Variants in PTPN3 observed in about 807,000 individuals in gnomAD.
PTPN3 encodes tyrosine-protein phosphatase non-receptor type 3.
PTPN3 carries 96 observed loss-of-function variants against 132.7 expected under a neutral mutation model. The ratio of observed to expected loss-of-function variants is 0.72; its 90% CI spans 0.61 to 0.86. PTPN3 has a LOEUF of 0.86. Among genes scored for constraint, PTPN3 ranks in the 40% least tolerant of loss-of-function variants. PTPN3 has a pLI of 0.00. For synonymous variants in PTPN3, 398 were observed against 429.0 expected, an observed-to-expected ratio of 0.93 and a Z score of 0.89; for missense variants, 1,125 against 1,159.6, an observed-to-expected ratio of 0.97 and a Z score of 0.43.
At chr9:109,426,449 A>G (rs1843290127) in intron 12 of PTPN3, among the ~76,000 whole-genome samples, 1 of 152,206 alleles carries the variant, frequency 6.6e-6, no homozygotes, top group African/African-American at 2.4e-5. Flanking sequence ...CACAAAGTAA[A>G]TGCTCAGTAA....
At position 109,382,321 on chromosome 9, in the gene PTPN3, G is replaced by T. The variant is rs761559374; in HGVS notation, c.2509C>A (p.Pro837Thr). 3.2e-5 allele frequency: 51 copies of T among 1,613,808 alleles called. No individual in the cohort carries two copies. The highest frequency in any genetic ancestry group is 1.8e-4 in the Admixed American group (11 of 59,986). ...YVRSLRVDSE[P>T]VLVHCSAGIG... ...CCATACCTGCAGTGAACTAGGACGG[G>T]CTCGCTGTCCACTCTCAGAGACCTC... The change falls in exon 24 of 26, where the codon CCC becomes ACC. Residue 837 changes from proline to threonine, a missense_variant. Coordinates refer to ENST00000374541, the MANE Select transcript of PTPN3 (RefSeq NM_002829.4).
intron 19 of PTPN3, among the ~76,000 whole-genome samples, chr9:109,396,915 C>A (rs138799748): frequency 3.3e-5 from 5 of 152,322 alleles, no homozygotes; most frequent in African/African-American, 7.2e-5. Flanking sequence ...ACTCACATCC[C>A]TCAGGTGAGA....
At position 109,438,101 on chromosome 9, in the gene PTPN3, C is replaced by T. The variant is rs1165652745; in HGVS notation, c.587+13G>A. The T allele has an allele frequency of 1.9e-6, 3 of 1,610,178 alleles. No homozygotes were observed. The Admixed American group carries it at 5.1e-5, about 27-fold the overall frequency. ...CCCAAGTCCCCAAAGTAGGCCACCCCAGCCCCCCTCACCTGTGCTGCTCAT... is the reference window on the plus strand; with the variant it reads ...CCCAAGTCCCCAAAGTAGGCCACCCTAGCCCCCCTCACCTGTGCTGCTCAT... On this transcript the variant is annotated intron_variant, in intron 8 of 25. Coordinates refer to ENST00000374541, the MANE Select transcript of PTPN3 (RefSeq NM_002829.4).
At chr9:109,456,123 T>C (rs7041037) in intron 4 of PTPN3, among the ~76,000 whole-genome samples, 57,583 of 152,070 alleles carry the variant, frequency 0.38, 11,480 homozygotes, top group African/African-American at 0.49. Flanking sequence ...TGTGTCTACT[T>C]CTTCCTGCCT....
At position 109,380,124 on chromosome 9, in the gene PTPN3, T is replaced by G. The variant is rs372144820; in HGVS notation, c.2665-491A>C. The stretch of plus-strand genomic sequence containing the variant: ...TGAAAGATGCTCTGCAGGATACAGT[T>G]ATTTATCTTAGCAAATACCTAAGAA... On this transcript the variant is annotated intron_variant, in intron 25 of 25. Coordinates refer to ENST00000374541, the MANE Select transcript of PTPN3 (RefSeq NM_002829.4). Among the ~76,000 whole-genome samples the G allele has an allele frequency of 3.3e-5, 5 of 152,352 alleles. No homozygotes were observed. In the South Asian group the frequency reaches 6.2e-4, roughly 19 times the overall value.
At chr9:109,478,929 C>T (rs943661899) in intron 1 of PTPN3, among the ~76,000 whole-genome samples, 9 of 152,104 alleles carry the variant, frequency 5.9e-5, no homozygotes, top group Non-Finnish European at 7.3e-5. Flanking sequence ...CTGCCAAAGA[C>T]GTGCTCCTCC....
intron 12 of PTPN3, among the ~76,000 whole-genome samples, chr9:109,426,013 C>CA (rs71372567): frequency 0.023 from 1,154 of 50,330 alleles, 12 homozygotes; most frequent in African/African-American, 0.06. Context: ...GACTCCATCT[C>CA]AAAAAAAAAA....
At chr9:109,460,971 A>T (rs146233352) in intron 2 of PTPN3, among the ~76,000 whole-genome samples, 110 of 152,366 alleles carry the variant, frequency 7.2e-4, no homozygotes, top group African/African-American at 2.5e-3. Flanking sequence ...CGTCAGGAAG[A>T]GGATAAACGG....
the PTPN3 span, among the ~76,000 whole-genome samples, chr9:109,522,321 C>T: frequency 1.3e-5 from 2 of 152,182 alleles, no homozygotes; most frequent in South Asian, 4.1e-4. Context: ...GTGTGGGCCC[C>T]TCACCTCTCA....
rs949374390 is a variant in PTPN3, at chr9:109,489,630, T to G, written c.-18+8589A>C. On this transcript the variant is annotated intron_variant, in intron 1 of 25. Transcript: ENST00000374541. Reference sequence around the variant, plus strand: ...TCTAGTTGCACTGTTCTTGGGGGCCTAGGCCTGTGAAGTCAGTGCTGCAGT... The same window carrying G: ...TCTAGTTGCACTGTTCTTGGGGGCCGAGGCCTGTGAAGTCAGTGCTGCAGT... Among the ~76,000 whole-genome samples, 28 of 152,150 alleles carry G rather than the reference T, an allele frequency of 1.8e-4. 1 individual carries two copies. The highest frequency in any genetic ancestry group is 1.8e-3 in the Admixed American group (28 of 15,276).
intron 20 of PTPN3, 123 bp downstream of exon 20, chr9:109,391,348 A>G: frequency 1.6e-6 from 2 of 1,286,952 alleles, no homozygotes; most frequent in Non-Finnish European, 2.2e-6. Context: ...AAATGGCTGC[A>G]ATAAAGACGG....
chr9:109,465,581 C>T (rs536059546), intron 1 of PTPN3, among the ~76,000 whole-genome samples: 11 of 152,052 alleles, frequency 7.2e-5, no homozygotes, highest in South Asian at 6.3e-4. Context: ...CGGTGGCATG[C>T]GCCAGTAATC....
chr9:109,522,692 G>A, the PTPN3 span, among the ~76,000 whole-genome samples: 14 of 152,190 alleles, frequency 9.2e-5, no homozygotes, highest in African/African-American at 3.1e-4. Context: ...TCAGACCAAG[G>A]AATGCCACTC....
intron 1 of PTPN3, among the ~76,000 whole-genome samples, chr9:109,463,924 T>G (rs1026603111): frequency 1.3e-5 from 2 of 152,210 alleles, no homozygotes; most frequent in African/African-American, 4.8e-5. Context: ...TGGGAGGAGA[T>G]AGTCGCAATA....
chr9:109,411,347 T>C (rs1356935378), intron 14 of PTPN3, among the ~76,000 whole-genome samples: 2 of 152,134 alleles, frequency 1.3e-5, no homozygotes, highest in Non-Finnish European at 2.9e-5. Flanking sequence ...CCGATGTGCG[T>C]CCTAAGCCTT....
chr9:109,386,484 G>A (rs1839592163), intron 22 of PTPN3, among the ~76,000 whole-genome samples: 1 of 152,190 alleles, frequency 6.6e-6, no homozygotes, highest in Non-Finnish European at 1.5e-5. Flanking sequence ...GGTGTTGGGG[G>A]AATGTGGTGA....
chr9:109,504,352 C>T, the PTPN3 span, among the ~76,000 whole-genome samples: 1 of 152,164 alleles, frequency 6.6e-6, no homozygotes, highest in Admixed American at 6.5e-5. Flanking sequence ...GACAGGGAGC[C>T]AAGCCAACCT....
Position 109,428,632 on chromosome 9 carries a change from G to A in PTPN3, c.817C>T (p.Arg273Ter), listed in dbSNP as rs781102733. The change falls in exon 11 of 26, where the codon CGA (arginine) becomes TGA (stop). Residue 273 changes from arginine (R) to a stop codon, truncating the protein, a stop_gained. Coordinates refer to ENST00000374541, the MANE Select transcript of PTPN3 (RefSeq NM_002829.4). LOFTEE classifies it high-confidence loss of function. Reference sequence around the variant, plus strand: ...ACATAACTACTCACCTGTTTCTGTCGCTGATGTATGAAGAACTTTTTCCTT... The same window carrying A: ...ACATAACTACTCACCTGTTTCTGTCACTGATGTATGAAGAACTTTTTCCTT... ...FKRKKFFIHQ[R>*]QKQAESREHI... is the part of the protein sequence containing the mutation. The A allele has an allele frequency of 1.9e-6, 3 of 1,613,550 alleles. No individual in the cohort carries two copies. The highest frequency in any genetic ancestry group is 1.1e-5 in the South Asian group (1 of 91,038).
At chr9:109,516,248 A>G in the PTPN3 span, among the ~76,000 whole-genome samples, 17 of 152,354 alleles carry the variant, frequency 1.1e-4, no homozygotes, top group East Asian at 3.3e-3. Context: ...GGCCAATTAG[A>G]CATGGCTGAT....
Sources: allele counts gnomAD v4.1 joint callset (sites outside exome capture counted in the v4.1 genomes callset), GRCh38; gene constraint gnomAD v4.1.1; transcripts MANE v1.5; gene names NCBI Gene and HGNC (gene_info 2026-07-23, HGNC 2026-07-21).